The following EPB41L3 variants were observed in gnomAD, a reference collection of about 807,000 sequenced individuals.
The protein encoded by EPB41L3 is band 4.1-like protein 3.
EPB41L3 carries 57 observed loss-of-function variants against 127.1 expected under a neutral mutation model. That is an observed-to-expected ratio of 0.45 (90% confidence interval 0.36 to 0.56). The LOEUF (loss-of-function observed/expected upper bound fraction) is 0.56, where lower values mean the gene tolerates loss of function less well. EPB41L3 is among the 20% of genes least tolerant of loss of function. EPB41L3 has a pLI of 0.00. For missense variants in EPB41L3, 1,273 were observed against 1,372.2 expected (o/e 0.93, Z 1.14); for synonymous variants, 572 against 549.5 (o/e 1.04, Z -0.57).
intron 1 of EPB41L3, among the ~76,000 whole-genome samples, chr18:5,495,779 C>T (rs932819031): frequency 6.6e-6 from 1 of 152,202 alleles, no homozygotes; most frequent in Non-Finnish European, 1.5e-5. Flanking sequence ...CTGCCATATG[C>T]TCTGTGACCT....
chr18:5,527,873 T>G (rs1461286535), intron 1 of EPB41L3, among the ~76,000 whole-genome samples: 1 of 152,156 alleles, frequency 6.6e-6, no homozygotes, highest in African/African-American at 2.4e-5. Context: ...GCGTCCAGTC[T>G]TCAACTAATA....
chr18:5,512,135 T>C (rs2092557222), intron 1 of EPB41L3, among the ~76,000 whole-genome samples: 1 of 152,198 alleles, frequency 6.6e-6, no homozygotes. Flanking sequence ...AGTATGCTAA[T>C]GCTGGGGACA....
chr18:5,412,752 G>A (rs1336816182), intron 13 of EPB41L3, among the ~76,000 whole-genome samples: 4 of 151,754 alleles, frequency 2.6e-5, no homozygotes, highest in Non-Finnish European at 5.9e-5. Context: ...GGCACATTGG[G>A]CACTTTTCAT....
At chr18:5,614,166 G>A (rs2144090891) in intron 2 of EPB41L3, among the ~76,000 whole-genome samples, 1 of 152,336 alleles carries the variant, frequency 6.6e-6, no homozygotes, top group East Asian at 1.9e-4. Context: ...GTCCACAGGT[G>A]TAGGAGGCTA....
chr18:5,423,699 A>G (rs1223971874), intron 10 of EPB41L3, 146 bp from the exon 11 acceptor site: 5 of 719,488 alleles, frequency 6.9e-6, no homozygotes, highest in Non-Finnish European at 9.0e-6. Flanking sequence ...GATTTCATAA[A>G]AGAATGCATA....
chr18:5,505,201 G>A (rs541123443), intron 1 of EPB41L3, among the ~76,000 whole-genome samples: 2 of 152,040 alleles, frequency 1.3e-5, no homozygotes, highest in Non-Finnish European at 2.9e-5. Flanking sequence ...GTCCAAAAGT[G>A]AACACTTGAA....
chr18:5,624,026 G>A (rs80343628), intron 1 of EPB41L3, among the ~76,000 whole-genome samples: 1 of 151,856 alleles, frequency 6.6e-6, no homozygotes, highest in African/African-American at 2.4e-5. Flanking sequence ...TTTAAGAAAG[G>A]GTCTTGCTCT....
At chr18:5,463,365 C>A (rs551837907) in intron 3 of EPB41L3, among the ~76,000 whole-genome samples, 4 of 152,282 alleles carry the variant, frequency 2.6e-5, no homozygotes, top group Non-Finnish European at 5.9e-5. Context: ...TATATGCCTG[C>A]ACCATCCCTG....
intron 1 of EPB41L3, among the ~76,000 whole-genome samples, chr18:5,499,829 G>GTATATATA (rs35194563): frequency 1.6e-5 from 2 of 124,664 alleles, no homozygotes; most frequent in African/African-American, 6.2e-5. Context: ...CTATGTGTGT[G>GTATATATA]TATATATATA....
intron 8 of EPB41L3, among the ~76,000 whole-genome samples, chr18:5,430,711 G>C (rs146835983): frequency 4.0e-5 from 6 of 150,982 alleles, no homozygotes; most frequent in Admixed American, 1.3e-4. Context: ...CCACAGGCAC[G>C]TGCCACCACA....
intron 3 of EPB41L3, among the ~76,000 whole-genome samples, chr18:5,461,274 A>G (rs2083951423): frequency 2.0e-5 from 3 of 152,208 alleles, no homozygotes; most frequent in Admixed American, 6.5e-5. Flanking sequence ...TCCATAAAAA[A>G]TAACAAGTCT....
chr18:5,458,486 C>T (rs1236240475), intron 3 of EPB41L3, among the ~76,000 whole-genome samples: 1 of 152,178 alleles, frequency 6.6e-6, no homozygotes, highest in Non-Finnish European at 1.5e-5. Flanking sequence ...CAGTTATCAA[C>T]ACACCTGGAT....
intron 2 of EPB41L3, among the ~76,000 whole-genome samples, chr18:5,487,791 A>G (rs2090017447): frequency 7.8e-6 from 1 of 128,888 alleles, no homozygotes; most frequent in African/African-American, 3.4e-5. Flanking sequence ...TATAAAATTG[A>G]AAAAAAAAAA....
chr18:5,575,802 A>C (rs2094331580), intron 3 of EPB41L3, among the ~76,000 whole-genome samples: 1 of 152,156 alleles, frequency 6.6e-6, no homozygotes, highest in Admixed American at 6.5e-5. Flanking sequence ...GTGCCATTGC[A>C]CTGCAGCCTT....
intron 3 of EPB41L3, among the ~76,000 whole-genome samples, chr18:5,460,662 G>C (rs570340703): frequency 2.0e-5 from 3 of 152,292 alleles, no homozygotes; most frequent in African/African-American, 7.2e-5. Context: ...TCCACTCCTT[G>C]AATAAGCTAT....
intron 11 of EPB41L3, chr18:5,420,162 T>C (rs1191504689): frequency 3.9e-6 from 2 of 515,338 alleles, no homozygotes; most frequent in South Asian, 2.1e-5. Flanking sequence ...GAATTTCATC[T>C]ATCCTCAGAC....
intron 3 of EPB41L3, among the ~76,000 whole-genome samples, chr18:5,569,456 C>A (rs147250389): frequency 3.3e-5 from 5 of 152,040 alleles, no homozygotes; most frequent in South Asian, 2.1e-4. Context: ...ATTAGAGATA[C>A]CCCCATTGTG....
intron 1 of EPB41L3, among the ~76,000 whole-genome samples, chr18:5,506,151 C>G (rs1018149146): frequency 6.6e-6 from 1 of 152,054 alleles, no homozygotes; most frequent in Non-Finnish European, 1.5e-5. Flanking sequence ...CTCCAGTGTA[C>G]CTCCCAACTG....
At chr18:5,581,462 T>A (rs2094392851) in intron 3 of EPB41L3, among the ~76,000 whole-genome samples, 1 of 152,184 alleles carries the variant, frequency 6.6e-6, no homozygotes, top group South Asian at 2.1e-4. Context: ...TTTTCAATAT[T>A]TTTTGTTTAT....
Sources: gnomAD v4.1 joint callset for allele counts (sites outside exome capture counted in the v4.1 genomes callset) on GRCh38, gnomAD v4.1.1 for gene constraint, MANE v1.5 for transcripts, NCBI Gene and HGNC (gene_info 2026-07-23, HGNC 2026-07-21) for gene names.